Variants in KIF15 observed in about 807,000 individuals in gnomAD.
KIF15 encodes the protein kinesin family member 15, also known as kinesin-like protein KIF15.
Under a neutral mutation model 190.6 loss-of-function variants are expected in KIF15, and 140 were observed. The ratio of observed to expected loss-of-function variants is 0.73; its 90% CI spans 0.64 to 0.84. The LOEUF is 0.84. KIF15 is among the 40% of genes least tolerant of loss of function. The pLI is 0.00. For missense variants in KIF15, 1,372 were observed against 1,584.4 expected (o/e 0.87, Z 2.28); for synonymous variants, 528 against 551.3 (o/e 0.96, Z 0.59).
chr3:44,773,446 C>T (rs1386374512), intron 1 of KIF15, among the ~76,000 whole-genome samples: 1 of 152,160 alleles, frequency 6.6e-6, no homozygotes, highest in Non-Finnish European at 1.5e-5. Context: ...GGGAGGGATG[C>T]AAGGAACTGC....
chr3:44,831,143 G>A (rs1559577733), intron 26 of KIF15, 125 bp downstream of exon 26: 2 of 1,132,364 alleles, frequency 1.8e-6, no homozygotes, highest in African/African-American at 1.6e-5. Flanking sequence ...TACAGCTGAT[G>A]TGCCTCAAGA....
intron 6 of KIF15, among the ~76,000 whole-genome samples, chr3:44,860,711 A>T (rs2125737629): frequency 6.6e-6 from 1 of 152,238 alleles, no homozygotes; most frequent in South Asian, 2.1e-4. Flanking sequence ...CCACCCTGTG[A>T]GAGAAGCAGC....
At chr3:44,865,242 A>G in intron 6 of KIF15, 1 of 1,608,820 alleles carries the variant, frequency 6.2e-7, no homozygotes, top group Non-Finnish European at 8.5e-7. Context: ...TTGGGATGTC[A>G]TGTGGGACTG....
rs201002083 is a variant in KIF15 at position 44,838,307 on chromosome 3, C to T, written c.3204C>T (p.Ala1068=). ...RDMLCEDLAH[A]TEQLNMLTEA... ...TGCTCTGTGAGGACCTGGCTCATGC[C>T]ACTGAGCAGCTGAACATGCTCACAG... Residue 1068 remains alanine (A), a synonymous_variant, in exon 27 of 35, where the codon GCC becomes GCT. Coordinates refer to ENST00000326047, the MANE Select transcript of KIF15 (RefSeq NM_020242.3). 94 of 1,613,596 alleles carry T rather than the reference C, an allele frequency of 5.8e-5. No individual in the cohort carries two copies. The highest frequency in any genetic ancestry group is 8.0e-5 in the Non-Finnish European group (94 of 1,179,834).
chr3:44,868,524 TGA>T (rs1575704707), intron 6 of KIF15, among the ~76,000 whole-genome samples: 7 of 152,314 alleles, frequency 4.6e-5, no homozygotes, highest in Admixed American at 6.5e-5. Context: ...TGATACAATA[TGA>T]GATAACATGT....
intron 30 of KIF15, among the ~76,000 whole-genome samples, chr3:44,845,601 G>T (rs1698812828): frequency 6.6e-6 from 1 of 152,086 alleles, no homozygotes; most frequent in South Asian, 2.1e-4. Context: ...GGTGGCTAAG[G>T]CATGTGAAAG....
At chr3:44,801,214 G>C (rs1000340220) in intron 11 of KIF15, among the ~76,000 whole-genome samples, 12 of 150,582 alleles carry the variant, frequency 8.0e-5, no homozygotes, top group Admixed American at 2.0e-4. Flanking sequence ...GCGGCGGGAG[G>C]GGGGGGTCTC....
chr3:44,790,273 G>T (rs1376229623), intron 7 of KIF15, among the ~76,000 whole-genome samples: 1 of 152,098 alleles, frequency 6.6e-6, no homozygotes, highest in African/African-American at 2.4e-5. Context: ...TGCCTCCTGG[G>T]TTCAAACGAT....
chr3:44,771,724 G>A (rs535726040), intron 1 of KIF15, among the ~76,000 whole-genome samples: 17 of 152,260 alleles, frequency 1.1e-4, no homozygotes, highest in African/African-American at 3.9e-4. Flanking sequence ...GAGCAGATTG[G>A]TGCCTTAAGA....
Position 44,812,203 on chromosome 3 carries a change from G to A in KIF15, c.2191G>A (p.Ala731Thr), listed in dbSNP as rs1707814901. The A allele has an allele frequency of 6.2e-7, 1 of 1,613,826 alleles. No individual in the cohort carries two copies. Among genetic ancestry groups the A allele is most frequent in the Non-Finnish European group, 8.5e-7 (1 of 1,179,898 alleles). ...TVQEQMSALQAKLDEEEHKNL... is the reference protein window; with the variant it reads ...TVQEQMSALQTKLDEEEHKNL... Reference sequence around the variant, plus strand: ...GCAGGAACAAATGAGTGCTCTTCAAGCCAAACTGGATGAAGAAGAGCATAA... The same window carrying A: ...GCAGGAACAAATGAGTGCTCTTCAAACCAAACTGGATGAAGAAGAGCATAA... The change falls in exon 18 of 35, where the codon GCC (alanine) becomes ACC (threonine). Residue 731 changes from alanine to threonine, a missense_variant. Coordinates refer to ENST00000326047, the MANE Select transcript of KIF15 (RefSeq NM_020242.3).
chr3:44,852,086 T>G, intron 33 of KIF15, 122 bp from the exon 34 acceptor site: 1 of 1,435,888 alleles, frequency 7.0e-7, no homozygotes, highest in Non-Finnish European at 9.4e-7. Flanking sequence ...TGTGAGGCCT[T>G]GAAAGCTGGG....
Position 44,763,366 on chromosome 3 carries a change from A to G in KIF15, c.19+1482A>G, listed in dbSNP as rs531299064. Among the ~76,000 whole-genome samples, 15 of 152,240 alleles carry G rather than the reference A, an allele frequency of 9.9e-5. No individual in the cohort carries two copies. The South Asian group carries it at 3.1e-3, about 32-fold the overall frequency. On this transcript the variant is annotated intron_variant, in intron 1 of 34. Transcript: ENST00000326047. ...TGCCGGGCTGGAGTGCAGTGGTGCG[A>G]TATTGGCTCACTGCAACCTCCGCCT...
At chr3:44,846,348 A>G (rs921953317) in intron 30 of KIF15, among the ~76,000 whole-genome samples, 1 of 152,192 alleles carries the variant, frequency 6.6e-6, no homozygotes, top group African/African-American at 2.4e-5. Context: ...AGGTTAGTTT[A>G]GTTTCTGTTC....
chr3:44,861,165 A>G (rs1188177413), intron 6 of KIF15, among the ~76,000 whole-genome samples: 1 of 151,190 alleles, frequency 6.6e-6, no homozygotes, highest in African/African-American at 2.4e-5. Context: ...CTAATTTTGT[A>G]TTTTTAGTAG....
At chr3:44,778,000 A>G (rs1398166840) in intron 3 of KIF15, 115 bp from the exon 4 acceptor site, 1 of 776,320 alleles carries the variant, frequency 1.3e-6, no homozygotes, top group Non-Finnish European at 2.3e-6. Context: ...TTTTTTCTGT[A>G]GTGGATGTTA....
chr3:44,784,964 G>A (rs1204731545), intron 6 of KIF15, 22 bp downstream of exon 6: 2 of 1,293,946 alleles, frequency 1.5e-6, no homozygotes, highest in Non-Finnish European at 2.2e-6. Flanking sequence ...TAAAAATAAA[G>A]TGGTTCTATG....
At chr3:44,848,500 C>CT in intron 31 of KIF15, 21 bp from the exon 32 acceptor site, 4 of 1,034,402 alleles carry the variant, frequency 3.9e-6, no homozygotes, top group Admixed American at 2.3e-5. Flanking sequence ...TTTTTATTTT[C>CT]TTTTTTTAAT....
chr3:44,767,639 T>A (rs1028182909), intron 1 of KIF15, among the ~76,000 whole-genome samples: 2 of 151,038 alleles, frequency 1.3e-5, no homozygotes, highest in African/African-American at 4.9e-5. Flanking sequence ...CTCACGCCTG[T>A]AATCCCAGCA....
intron 14 of KIF15, among the ~76,000 whole-genome samples, chr3:44,804,809 C>CA (rs1454433181): frequency 4.6e-5 from 7 of 152,062 alleles, no homozygotes. Flanking sequence ...TTTTGCTTGT[C>CA]AAACACTGAA....
Sources: allele counts gnomAD v4.1 joint callset (sites outside exome capture counted in the v4.1 genomes callset), GRCh38; gene constraint gnomAD v4.1.1; transcripts MANE v1.5; gene names NCBI Gene and HGNC (gene_info 2026-07-23, HGNC 2026-07-21).